Variants in ZNF682 observed in about 807,000 individuals in gnomAD.
The protein encoded by ZNF682 is zinc finger protein 682.
In ZNF682, 29 loss-of-function variants were observed where a neutral mutation model predicts 36.5. The ratio of observed to expected loss-of-function variants is 0.80; its 90% CI spans 0.59 to 1.08. The LOEUF is 1.08. Among genes scored for constraint, ZNF682 ranks in the 50% least tolerant of loss-of-function variants. The probability of loss-of-function intolerance (pLI) is 0.00; values close to 1 mark genes in which losing one functional copy is unlikely to be tolerated. For synonymous variants in ZNF682, 180 were observed against 197.0 expected, an observed-to-expected ratio of 0.91 and a Z score of 0.72; for missense variants, 561 against 579.7, an observed-to-expected ratio of 0.97 and a Z score of 0.33.
downstream of ZNF682, among the ~76,000 whole-genome samples, chr19:20,000,473 C>T (rs1440612232): frequency 6.6e-6 from 1 of 152,288 alleles, no homozygotes; most frequent in Middle Eastern, 3.4e-3. Flanking sequence ...CCTCTCTTGT[C>T]GTTTCATCTA....
At chr19:19,999,268 C>A (rs1368696813) in intron 3 of ZNF682, among the ~76,000 whole-genome samples, 1 of 152,120 alleles carries the variant, frequency 6.6e-6, no homozygotes, top group Non-Finnish European at 1.5e-5. Flanking sequence ...AAAATGATAC[C>A]CTATCATTCT....
At position 20,007,211 on chromosome 19, in the gene ZNF682, T is replaced by C. The variant is rs779336034; in HGVS notation, c.291A>G (p.Lys97=). The C allele has an allele frequency of 5.6e-6, 9 of 1,613,688 alleles. No homozygotes were observed. Among genetic ancestry groups the C allele is most frequent in the Non-Finnish European group, 6.8e-6 (8 of 1,180,008 alleles). The change falls in exon 4 of 4, where the codon AAA becomes AAG. Residue 97 remains lysine (K), a synonymous_variant. Coordinates refer to ENST00000397165, the MANE Select transcript of ZNF682 (RefSeq NM_033196.3). The part of the protein sequence containing the change: ...PEQCMQDSFQ[K]VILRRYGSCG... ...AGCTTCCATATCTTCTCAGTATCACTTTTTGGAATGAATCTTGCATGCACT... is the reference window on the plus strand; with the variant it reads ...AGCTTCCATATCTTCTCAGTATCACCTTTTGGAATGAATCTTGCATGCACT...
At chr19:20,009,638 A>G (rs1012805762) in intron 3 of ZNF682, among the ~76,000 whole-genome samples, 1 of 152,216 alleles carries the variant, frequency 6.6e-6, no homozygotes, top group African/African-American at 2.4e-5. Context: ...AAAGGGCCAT[A>G]TTACCTAAAA....
intron 3 of ZNF682, among the ~76,000 whole-genome samples, chr19:20,011,292 C>CA (rs1184200888): frequency 6.6e-6 from 1 of 152,098 alleles, no homozygotes; most frequent in East Asian, 1.9e-4. Flanking sequence ...AATATGTATG[C>CA]ACTCAACATT....
intron 3 of ZNF682, among the ~76,000 whole-genome samples, chr19:19,999,043 TA>T (rs1470298476): frequency 1.3e-5 from 2 of 151,982 alleles, no homozygotes; most frequent in African/African-American, 4.8e-5. Context: ...TTACTGGCTT[TA>T]AAAAAGATAC....
rs1599622196 is a variant in ZNF682, at chr19:20,039,445, G to C, written c.-100C>G. ...CTGCGACAGTCACCGGGAACTACTA[G>C]AGCAGAGGATACTAAGCAATGAAGA... On this transcript the variant is annotated 5_prime_UTR_variant, in exon 1 of 4. Transcript: ENST00000397165. 4 of 1,512,046 alleles carry C rather than the reference G, an allele frequency of 2.6e-6. No individual in the cohort carries two copies. Among genetic ancestry groups the C allele is most frequent in the East Asian group, 4.5e-5 (2 of 44,254 alleles). The allele number at this position is 1,512,046 out of a possible 1,614,324, so 93.7% of individuals were successfully genotyped here.
intron 1 of ZNF682, among the ~76,000 whole-genome samples, chr19:20,028,790 T>C (rs965687986): frequency 4.6e-5 from 7 of 152,180 alleles, no homozygotes; most frequent in African/African-American, 1.7e-4. Flanking sequence ...CACGCGCACA[T>C]GCATTAATGC....
chr19:20,003,433 G>A (rs924182292), downstream of ZNF682, among the ~76,000 whole-genome samples: 18 of 151,640 alleles, frequency 1.2e-4, no homozygotes, highest in Admixed American at 6.6e-4. Flanking sequence ...GGCCGGGCAT[G>A]GTGGCTCATG....
At chr19:20,002,278 A>G (rs2088173124), downstream of ZNF682, among the ~76,000 whole-genome samples, 1 of 144,164 alleles carries the variant, frequency 6.9e-6, no homozygotes, top group Non-Finnish European at 1.5e-5. Context: ...GTATTTTAGT[A>G]GAGACAGGGT....
At chr19:19,995,759 G>GAA (rs201349065), downstream of ZNF682, among the ~76,000 whole-genome samples, 10 of 123,742 alleles carry the variant, frequency 8.1e-5, no homozygotes, top group East Asian at 4.5e-4. Context: ...ACATGAAGAG[G>GAA]AAAAAAAAAA....
At chr19:19,998,644 C>A (rs1230026526) in intron 3 of ZNF682, among the ~76,000 whole-genome samples, 1 of 152,122 alleles carries the variant, frequency 6.6e-6, no homozygotes, top group Non-Finnish European at 1.5e-5. Context: ...AGAAGCTGGA[C>A]TGGGGAAGGA....
At position 20,032,484 on chromosome 19, in the gene ZNF682, T is replaced by C. The variant is rs190844622; in HGVS notation, c.3+6859A>G. ...ATCACAAATAGGCAGAGAGACCATT[T>C]TGCCTGCAATTTGGGGTTTGCACAA... On this transcript the variant is annotated intron_variant, in intron 1 of 3. Transcript: ENST00000397165. Among the ~76,000 whole-genome samples the C allele has an allele frequency of 2.2e-4, 34 of 152,270 alleles. No individual in the cohort carries two copies. The East Asian group carries it at 4.1e-3, about 18-fold the overall frequency.
chr19:20,038,283 G>T (rs2088551631), intron 1 of ZNF682, among the ~76,000 whole-genome samples: 1 of 151,688 alleles, frequency 6.6e-6, no homozygotes, highest in South Asian at 2.1e-4. Flanking sequence ...GTTTGCAAAT[G>T]AAAAACAATT....
intron 3 of ZNF682, among the ~76,000 whole-genome samples, chr19:20,016,933 T>C (rs1411586243): frequency 2.0e-5 from 3 of 152,130 alleles, no homozygotes; most frequent in African/African-American, 4.8e-5. Flanking sequence ...AATGATATAA[T>C]GTGACACTAA....
intron 1 of ZNF682, 153 bp downstream of exon 1, chr19:20,039,190 G>C (rs2088561435): frequency 4.9e-6 from 7 of 1,421,240 alleles, no homozygotes; most frequent in Non-Finnish European, 6.5e-6. Context: ...CCTGTGCCCG[G>C]AGGTGATCGA....
chr19:20,030,913 G>A (rs779233650), intron 1 of ZNF682: 1 of 152,158 alleles, frequency 6.6e-6, no homozygotes, highest in Non-Finnish European at 1.5e-5. Flanking sequence ...TTATTTTTGT[G>A]AGAAAGAGAA....
chr19:20,018,850 A>AT (rs1045289782), intron 3 of ZNF682, among the ~76,000 whole-genome samples: 14 of 152,316 alleles, frequency 9.2e-5, no homozygotes, highest in African/African-American at 3.4e-4. Context: ...ATTTGATGTC[A>AT]TTTTCTTAGC....
intron 3 of ZNF682, 77 bp downstream of exon 3, chr19:20,022,927 A>G (rs976039979): frequency 7.3e-6 from 9 of 1,227,224 alleles, no homozygotes; most frequent in Non-Finnish European, 1.1e-5. Context: ...AGCTTCTCAA[A>G]TAACTCTTGA....
chr19:19,998,101 ATGAT>A (rs1233761672), intron 3 of ZNF682, among the ~76,000 whole-genome samples: 5 of 152,326 alleles, frequency 3.3e-5, no homozygotes, highest in African/African-American at 1.2e-4. Context: ...GGTACAGAAA[ATGAT>A]TGAATCATAC....
Sources: gnomAD v4.1 joint callset for allele counts (sites outside exome capture counted in the v4.1 genomes callset) on GRCh38, gnomAD v4.1.1 for gene constraint, MANE v1.5 for transcripts, NCBI Gene and HGNC (gene_info 2026-07-23, HGNC 2026-07-21) for gene names.